The following NBEA variants were observed in gnomAD, a reference collection of about 807,000 sequenced individuals.
The protein encoded by NBEA is neurobeachin.
A neutral mutation model predicts 343.4 loss-of-function variants in NBEA; 44 were observed. The ratio of observed to expected loss-of-function variants is 0.13; its 90% confidence interval spans 0.10 to 0.16. NBEA has a LOEUF of 0.16. Among genes scored for constraint, NBEA ranks in the 10% least tolerant of loss-of-function variants. The pLI is 1.00. For missense variants in NBEA, 2,555 were observed against 3,631.3 expected (o/e 0.70, Z 7.62); for synonymous variants, 1,175 against 1,238.7 (o/e 0.95, Z 1.08).
intron 48 of NBEA, among the ~76,000 whole-genome samples, chr13:35,616,608 C>G (rs2082749197): frequency 1.3e-5 from 2 of 152,054 alleles, no homozygotes; most frequent in African/African-American, 4.8e-5. Flanking sequence ...AAGGAATAGC[C>G]TGAAAAATTG....
intron 23 of NBEA, 103 bp downstream of exon 23, chr13:35,162,070 G>T: frequency 1.1e-6 from 1 of 885,840 alleles, no homozygotes; most frequent in South Asian, 1.9e-5. Flanking sequence ...TTGATTAAAG[G>T]AATTTCCACA....
At chr13:35,657,149 T>C (rs946939453) in intron 55 of NBEA, among the ~76,000 whole-genome samples, 1 of 152,222 alleles carries the variant, frequency 6.6e-6, no homozygotes, top group African/African-American at 2.4e-5. Context: ...TACATTTGTA[T>C]GAGAAGATAG....
intron 31 of NBEA, among the ~76,000 whole-genome samples, chr13:35,198,685 A>G (rs1317202120): frequency 6.6e-6 from 1 of 152,084 alleles, no homozygotes; most frequent in African/African-American, 2.4e-5. Flanking sequence ...TTTTAGGAAA[A>G]GAGTCTCTAG....
intron 38 of NBEA, among the ~76,000 whole-genome samples, chr13:35,365,019 T>C (rs1211193967): frequency 6.6e-6 from 1 of 151,742 alleles, no homozygotes; most frequent in African/African-American, 2.4e-5. Context: ...AAGCACTTAG[T>C]GATGTAGATC....
At chr13:35,109,848 A>C (rs1212253209) in intron 12 of NBEA, among the ~76,000 whole-genome samples, 1 of 151,952 alleles carries the variant, frequency 6.6e-6, no homozygotes, top group Non-Finnish European at 1.5e-5. Context: ...AAAAATAAAT[A>C]TATACATGAA....
chr13:35,436,086 AAAAAG>A (rs1424026338), intron 39 of NBEA, among the ~76,000 whole-genome samples: 5 of 152,198 alleles, frequency 3.3e-5, no homozygotes, highest in African/African-American at 1.2e-4. Context: ...TGGACTCAAA[AAAAAG>A]AAAACAGATT....
chr13:35,492,803 T>C (rs920382875), intron 41 of NBEA, among the ~76,000 whole-genome samples: 2 of 151,826 alleles, frequency 1.3e-5, no homozygotes, highest in Non-Finnish European at 2.9e-5. Context: ...CTTAAAGCAC[T>C]GGGACTGAGG....
chr13:35,237,956 T>C (rs1417868457), intron 34 of NBEA, among the ~76,000 whole-genome samples: 1 of 152,210 alleles, frequency 6.6e-6, no homozygotes. Flanking sequence ...AGTTCACCTT[T>C]TAAGACCATT....
At chr13:34,949,305 A>C (rs1234104756) in intron 1 of NBEA, among the ~76,000 whole-genome samples, 5 of 152,198 alleles carry the variant, frequency 3.3e-5, no homozygotes, top group Non-Finnish European at 7.3e-5. Flanking sequence ...AAAAGCTGAC[A>C]AGATCCTGAC....
chr13:35,245,485 A>G (rs1206573122), intron 34 of NBEA, among the ~76,000 whole-genome samples: 1 of 152,102 alleles, frequency 6.6e-6, no homozygotes, highest in Non-Finnish European at 1.5e-5. Flanking sequence ...TCTTGGTAGT[A>G]GAGAATTCTC....
At chr13:35,503,848 A>G (rs1400076877) in intron 41 of NBEA, among the ~76,000 whole-genome samples, 1 of 152,130 alleles carries the variant, frequency 6.6e-6, no homozygotes, top group Non-Finnish European at 1.5e-5. Flanking sequence ...TAAAGAATCT[A>G]ATTTTAAAAC....
chr13:35,463,784 C>G (rs1021546492), intron 40 of NBEA, among the ~76,000 whole-genome samples: 4 of 151,780 alleles, frequency 2.6e-5, no homozygotes, highest in Non-Finnish European at 5.9e-5. Flanking sequence ...AATGGAAACT[C>G]ATGTCTAGAG....
At chr13:35,427,428 G>C (rs1427309885) in intron 38 of NBEA, among the ~76,000 whole-genome samples, 1 of 152,200 alleles carries the variant, frequency 6.6e-6, no homozygotes, top group Admixed American at 6.5e-5. Flanking sequence ...GGTATCAGCA[G>C]CGGTGGCTGC....
At position 35,330,616 on chromosome 13, in the gene NBEA, C is replaced by T. The variant is rs76979281; in HGVS notation, c.5904-18492C>T. Among the ~76,000 whole-genome samples, 29 of 152,108 alleles carry T rather than the reference C, an allele frequency of 1.9e-4. No homozygotes were observed. In the East Asian group the frequency reaches 5.4e-3, roughly 28 times the overall value. ...TATTATTTTGGTTTCTCTTTATTCT[C>T]CCTACTTCTCACCCAATCAAAATGA... On this transcript the variant is annotated intron_variant, in intron 36 of 58. Transcript: ENST00000379939.
chr13:35,377,143 G>A (rs934477818), intron 38 of NBEA, among the ~76,000 whole-genome samples: 3 of 152,168 alleles, frequency 2.0e-5, no homozygotes, highest in African/African-American at 7.2e-5. Context: ...TAAAAAAAGT[G>A]AAGAGAAGAA....
intron 41 of NBEA, among the ~76,000 whole-genome samples, chr13:35,480,953 A>G (rs1186061139): frequency 1.3e-5 from 2 of 151,954 alleles, no homozygotes; most frequent in Non-Finnish European, 2.9e-5. Flanking sequence ...TAATTATTTC[A>G]TCTTTTAATA....
chr13:35,455,052 T>C (rs939281666), intron 40 of NBEA, among the ~76,000 whole-genome samples: 4 of 152,022 alleles, frequency 2.6e-5, no homozygotes, highest in African/African-American at 9.7e-5. Context: ...ATGAAATGGC[T>C]TGCATATTAT....
At chr13:35,310,034 A>G (rs1691411991) in intron 36 of NBEA, among the ~76,000 whole-genome samples, 1 of 152,098 alleles carries the variant, frequency 6.6e-6, no homozygotes, top group African/African-American at 2.4e-5. Context: ...AATATAGCAA[A>G]TATATCTGTC....
intron 30 of NBEA, among the ~76,000 whole-genome samples, chr13:35,189,622 G>A (rs2072021254): frequency 1.3e-5 from 2 of 151,854 alleles, no homozygotes; most frequent in Admixed American, 6.6e-5. Context: ...GTAAGCTCTA[G>A]TCGATAATTT....
Sources: allele counts gnomAD v4.1 joint callset (sites outside exome capture counted in the v4.1 genomes callset), GRCh38; gene constraint gnomAD v4.1.1; transcripts MANE v1.5; gene names NCBI Gene and HGNC (gene_info 2026-07-23, HGNC 2026-07-21).